Variants in SAMD12 observed in about 807,000 individuals in gnomAD.
SAMD12 encodes sterile alpha motif domain-containing protein 12.
In SAMD12, 9 loss-of-function variants were observed where a neutral mutation model predicts 15.0. The ratio of observed to expected loss-of-function variants is 0.60; its 90% CI spans 0.36 to 1.05. The LOEUF is 1.05. Ranked by LOEUF, SAMD12 falls within the 50% of genes least tolerant of loss-of-function variation. The pLI is 0.01. For synonymous variants in SAMD12, 86 were observed against 90.1 expected (o/e 0.96, Z 0.25); for missense variants, 230 against 234.2 (o/e 0.98, Z 0.12).
chr8:118,598,002 C>G (rs555817642), intron 1 of SAMD12, among the ~76,000 whole-genome samples: 1 of 152,164 alleles, frequency 6.6e-6, no homozygotes, highest in Non-Finnish European at 1.5e-5. Flanking sequence ...AATAGGATGC[C>G]TCTTCTGTGT....
intron 1 of SAMD12, among the ~76,000 whole-genome samples, chr8:118,591,992 A>C (rs924764075): frequency 2.0e-5 from 3 of 152,184 alleles, no homozygotes; most frequent in African/African-American, 7.2e-5. Flanking sequence ...GAAGACTAAG[A>C]GATGCTAAGC....
chr8:118,425,360 G>T (rs1279270506), intron 3 of SAMD12, among the ~76,000 whole-genome samples: 1 of 152,150 alleles, frequency 6.6e-6, no homozygotes, highest in Non-Finnish European at 1.5e-5. Context: ...AACTGACAGA[G>T]TAATTAACAA....
At chr8:118,584,004 A>G (rs1827360447) in intron 1 of SAMD12, among the ~76,000 whole-genome samples, 1 of 152,174 alleles carries the variant, frequency 6.6e-6, no homozygotes, top group Admixed American at 6.5e-5. Context: ...TGAACCAGCA[A>G]TTCCCTTCCT....
chr8:118,473,030 C>T (rs1261539067), intron 2 of SAMD12, among the ~76,000 whole-genome samples: 1 of 152,198 alleles, frequency 6.6e-6, no homozygotes, highest in Admixed American at 6.5e-5. Context: ...ACATTGCTCT[C>T]CTACTTCCAG....
At chr8:118,601,116 A>C (rs1827854766) in intron 1 of SAMD12, among the ~76,000 whole-genome samples, 2 of 152,224 alleles carry the variant, frequency 1.3e-5, no homozygotes, top group African/African-American at 4.8e-5. Flanking sequence ...TATGCCAAAT[A>C]CTAACAGTGG....
chr8:118,360,168 T>G (rs996290574), intron 4 of SAMD12, among the ~76,000 whole-genome samples: 3 of 152,206 alleles, frequency 2.0e-5, no homozygotes, highest in African/African-American at 7.2e-5. Flanking sequence ...CTTTTCCTTC[T>G]AAGACCAAGG....
intron 2 of SAMD12, among the ~76,000 whole-genome samples, chr8:118,548,719 C>T (rs905331976): frequency 3.3e-5 from 5 of 152,202 alleles, no homozygotes; most frequent in East Asian, 1.9e-4. Flanking sequence ...CGAAGCAGGG[C>T]GAGGCATTGC....
chr8:118,343,590 A>T (rs1256066570), intron 4 of SAMD12, among the ~76,000 whole-genome samples: 2 of 152,172 alleles, frequency 1.3e-5, no homozygotes, highest in African/African-American at 4.8e-5. Context: ...GATCTTGTAC[A>T]TACATAAACT....
At chr8:118,539,797 G>C (rs1204445039) in intron 2 of SAMD12, among the ~76,000 whole-genome samples, 1 of 152,170 alleles carries the variant, frequency 6.6e-6, no homozygotes, top group African/African-American at 2.4e-5. Context: ...GTGCTGCCAT[G>C]TGGACTGGGA....
intron 2 of SAMD12, among the ~76,000 whole-genome samples, chr8:118,566,411 T>C (rs1174418197): frequency 6.6e-6 from 1 of 152,112 alleles, no homozygotes; most frequent in Non-Finnish European, 1.5e-5. Context: ...AGAATTCGCA[T>C]TATAGTACTT....
intron 2 of SAMD12, among the ~76,000 whole-genome samples, chr8:118,455,184 C>T (rs1253891139): frequency 6.6e-6 from 1 of 152,008 alleles, no homozygotes; most frequent in African/African-American, 2.4e-5. Flanking sequence ...AAGACTACAA[C>T]TTCCTTCCTG....
At chr8:118,538,087 G>C (rs1022361996) in intron 2 of SAMD12, among the ~76,000 whole-genome samples, 1 of 152,196 alleles carries the variant, frequency 6.6e-6, no homozygotes, top group Non-Finnish European at 1.5e-5. Context: ...GTAAAATCCA[G>C]AAGAATTCCC....
intron 2 of SAMD12, among the ~76,000 whole-genome samples, chr8:118,527,831 T>C (rs899987484): frequency 2.0e-5 from 3 of 152,198 alleles, no homozygotes; most frequent in Non-Finnish European, 4.4e-5. Context: ...TAATTTGACA[T>C]TATTTGACAT....
In SAMD12 at chr8:118,274,831, C is replaced by G. The variant is rs1040366848; in HGVS notation, c.434-77099G>C. Among the ~76,000 whole-genome samples, 3 of 152,088 alleles carry G rather than the reference C, an allele frequency of 2.0e-5. No homozygotes were observed. In the East Asian group the frequency reaches 5.8e-4, roughly 29 times the overall value. The stretch of plus-strand genomic sequence containing the variant: ...TATATAGGAGGCCATTTTATAAAGA[C>G]ATCACAATTGATTTATCAATTCTAA... On this transcript the variant is annotated intron_variant, in intron 4 of 4. Coordinates refer to the SAMD12 transcript ENST00000409003.
chr8:118,266,030 T>C (rs1164664507), intron 4 of SAMD12, among the ~76,000 whole-genome samples: 1 of 152,158 alleles, frequency 6.6e-6, no homozygotes, highest in Non-Finnish European at 1.5e-5. Flanking sequence ...TCCAAAGGGC[T>C]GAGGAGGCCT....
chr8:118,199,862 C>T (rs1002973092), intron 4 of SAMD12, among the ~76,000 whole-genome samples: 2 of 152,136 alleles, frequency 1.3e-5, no homozygotes, highest in African/African-American at 4.8e-5. Context: ...CAAGATCACA[C>T]AGCTAGTAAG....
chr8:118,175,535 C>T, the SAMD12 span, among the ~76,000 whole-genome samples: 1 of 152,232 alleles, frequency 6.6e-6, no homozygotes, highest in African/African-American at 2.4e-5. Flanking sequence ...GCAAAAGGAA[C>T]CATCTGCACA....
At chr8:118,433,024 T>C (rs1231094497) in intron 3 of SAMD12, among the ~76,000 whole-genome samples, 1 of 152,206 alleles carries the variant, frequency 6.6e-6, no homozygotes, top group Non-Finnish European at 1.5e-5. Flanking sequence ...GTAGGGATGT[T>C]AGAAAGGGTA....
intron 2 of SAMD12, among the ~76,000 whole-genome samples, chr8:118,555,776 T>A (rs1826513016): frequency 6.6e-6 from 1 of 152,170 alleles, no homozygotes; most frequent in Non-Finnish European, 1.5e-5. Flanking sequence ...ACTTCCTGAA[T>A]AGAGAAACAA....
Sources: allele counts gnomAD v4.1 joint callset (sites outside exome capture counted in the v4.1 genomes callset), GRCh38; gene constraint gnomAD v4.1.1; transcripts MANE v1.5; gene names NCBI Gene and HGNC (gene_info 2026-07-23, HGNC 2026-07-21).